Variants in TBC1D5 observed in about 807,000 individuals in gnomAD.
TBC1D5 encodes TBC1 domain family, member 5.
A neutral mutation model predicts 100.3 loss-of-function variants in TBC1D5; 75 were observed. The observed-to-expected ratio is 0.75, with a 90% confidence interval of 0.62 to 0.91. The LOEUF (loss-of-function observed/expected upper bound fraction) is 0.91, where lower values mean the gene tolerates loss of function less well. Ranked by LOEUF, TBC1D5 falls within the 40% of genes least tolerant of loss-of-function variation. TBC1D5 has a pLI of 0.00. For missense variants in TBC1D5, 910 were observed against 942.4 expected (o/e 0.97, Z 0.45); for synonymous variants, 323 against 325.6 (o/e 0.99, Z 0.09).
intron 14 of TBC1D5, among the ~76,000 whole-genome samples, chr3:17,297,572 A>C (rs1162911261): frequency 1.7e-5 from 1 of 57,402 alleles, no homozygotes; most frequent in African/African-American, 7.5e-5. Context: ...CGAGACTCCT[A>C]AAAAAAAAAA....
chr3:17,695,281 A>C (rs1222753352), intron 1 of TBC1D5, among the ~76,000 whole-genome samples: 2 of 152,228 alleles, frequency 1.3e-5, no homozygotes, highest in African/African-American at 4.8e-5. Flanking sequence ...TAAATGCCCC[A>C]ATTAAAAGAC....
rs189135576 is a variant in TBC1D5 at position 17,343,752 on chromosome 3, C to T, written c.995+28323G>A. Among the ~76,000 whole-genome samples the T allele has an allele frequency of 1.9e-3, 287 of 152,198 alleles. 1 individual carries two copies. Among genetic ancestry groups the T allele is most frequent in the African/African-American group, 6.8e-3 (284 of 41,522 alleles). On this transcript the variant is annotated intron_variant, in intron 13 of 21. Coordinates refer to ENST00000253692, the Ensembl canonical transcript of TBC1D5. ...TCTTCTAGATTTTCTAGTTTATTTG[C>T]GTAGAGGTGTTGGTAGTATTCTCTG...
At chr3:17,292,655 G>A (rs1335594343) in intron 14 of TBC1D5, among the ~76,000 whole-genome samples, 1 of 152,048 alleles carries the variant, frequency 6.6e-6, no homozygotes, top group Non-Finnish European at 1.5e-5. Context: ...AATTATGGGT[G>A]TAATTATTAA....
chr3:17,597,712 A>C (rs1057513637), intron 2 of TBC1D5, among the ~76,000 whole-genome samples: 1 of 152,194 alleles, frequency 6.6e-6, no homozygotes, highest in Admixed American at 6.5e-5. Flanking sequence ...TTAATCTCAT[A>C]TTAGTATATA....
At chr3:17,644,602 C>A (rs2064839798) in intron 1 of TBC1D5, among the ~76,000 whole-genome samples, 1 of 152,050 alleles carries the variant, frequency 6.6e-6, no homozygotes, top group Non-Finnish European at 1.5e-5. Context: ...TTTCCTTCTG[C>A]ACATTCAAAA....
At chr3:17,267,082 G>A (rs1242478790) in intron 15 of TBC1D5, among the ~76,000 whole-genome samples, 4 of 152,046 alleles carry the variant, frequency 2.6e-5, no homozygotes, top group African/African-American at 9.7e-5. Context: ...TGGCAGAGAA[G>A]CATTTTAAAC....
intron 13 of TBC1D5, among the ~76,000 whole-genome samples, chr3:17,339,618 C>T (rs922115838): frequency 1.3e-5 from 2 of 152,138 alleles, no homozygotes; most frequent in East Asian, 1.9e-4. Context: ...AACTAATTTT[C>T]GTATACTGAT....
chr3:17,182,990 C>A (rs1208383428), intron 19 of TBC1D5, among the ~76,000 whole-genome samples: 1 of 152,118 alleles, frequency 6.6e-6, no homozygotes, highest in Non-Finnish European at 1.5e-5. Context: ...CCCTACAGGG[C>A]AAGCTTACCT....
chr3:17,704,437 C>T (rs1266388694), intron 1 of TBC1D5, among the ~76,000 whole-genome samples: 1 of 149,666 alleles, frequency 6.7e-6, no homozygotes, highest in Admixed American at 6.6e-5. Flanking sequence ...AGCTGTTGGG[C>T]ACACCTCCCA....
intron 3 of TBC1D5, among the ~76,000 whole-genome samples, chr3:17,492,956 G>A (rs2095657366): frequency 6.6e-6 from 1 of 152,130 alleles, no homozygotes. Context: ...ATATTGTTAT[G>A]TGTGGATTTG....
At chr3:17,650,134 GC>G (rs2065400237) in intron 1 of TBC1D5, among the ~76,000 whole-genome samples, 1 of 151,948 alleles carries the variant, frequency 6.6e-6, no homozygotes, top group African/African-American at 2.4e-5. Context: ...ACACACCGGG[GC>G]CTCTTGCGGG....
At chr3:17,494,506 G>A (rs1194694046) in intron 3 of TBC1D5, among the ~76,000 whole-genome samples, 10 of 152,212 alleles carry the variant, frequency 6.6e-5, no homozygotes, top group Non-Finnish European at 1.3e-4. Flanking sequence ...AGAGCCAGCA[G>A]GCAGGAAATA....
At chr3:17,406,960 A>C (rs1350649714) in intron 4 of TBC1D5, among the ~76,000 whole-genome samples, 1 of 152,174 alleles carries the variant, frequency 6.6e-6, no homozygotes, top group Non-Finnish European at 1.5e-5. Context: ...TTTCTCTTTA[A>C]TGTCAGGCTG....
intron 14 of TBC1D5, among the ~76,000 whole-genome samples, chr3:17,302,816 A>C (rs2082994090): frequency 6.6e-6 from 1 of 152,182 alleles, no homozygotes; most frequent in African/African-American, 2.4e-5. Flanking sequence ...GAACATATGT[A>C]ATGCTCAGAG....
intron 2 of TBC1D5, among the ~76,000 whole-genome samples, chr3:17,597,696 T>C (rs1335812396): frequency 6.6e-6 from 1 of 152,208 alleles, no homozygotes; most frequent in Middle Eastern, 3.2e-3. Flanking sequence ...ACTTCCAAAA[T>C]GACTCTTAAT....
intron 3 of TBC1D5, among the ~76,000 whole-genome samples, chr3:17,477,946 C>G (rs907203655): frequency 6.6e-6 from 1 of 152,062 alleles, no homozygotes; most frequent in East Asian, 1.9e-4. Context: ...GTCTTTTTAA[C>G]CAGTTCATAA....
chr3:17,385,903 C>G (rs2093133337), intron 8 of TBC1D5, among the ~76,000 whole-genome samples: 1 of 151,944 alleles, frequency 6.6e-6, no homozygotes, highest in Non-Finnish European at 1.5e-5. Context: ...GAAGAGTAAG[C>G]ATATGTCAGA....
intron 3 of TBC1D5, among the ~76,000 whole-genome samples, chr3:17,473,389 T>G (rs1239751068): frequency 6.6e-6 from 1 of 152,224 alleles, no homozygotes; most frequent in Non-Finnish European, 1.5e-5. Flanking sequence ...TAAAATAACT[T>G]AGCACATTAA....
intron 13 of TBC1D5, among the ~76,000 whole-genome samples, chr3:17,317,424 C>T (rs995481987): frequency 6.6e-6 from 1 of 152,120 alleles, no homozygotes; most frequent in African/African-American, 2.4e-5. Context: ...ACATTCATTA[C>T]TTTGAGAATA....
Sources: gnomAD v4.1 joint callset for allele counts (sites outside exome capture counted in the v4.1 genomes callset) on GRCh38, gnomAD v4.1.1 for gene constraint, MANE v1.5 for transcripts, NCBI Gene and HGNC (gene_info 2026-07-23, HGNC 2026-07-21) for gene names.